The following CAMTA2 variants were observed in gnomAD, a reference collection of about 807,000 sequenced individuals.
CAMTA2 encodes the protein calmodulin binding transcription activator 2, also known as calmodulin-binding transcription activator 2.
Under a neutral mutation model 135.7 loss-of-function variants are expected in CAMTA2, and 56 were observed. The ratio of observed to expected loss-of-function variants is 0.41; its 90% CI spans 0.33 to 0.52. The LOEUF (loss-of-function observed/expected upper bound fraction) is 0.52, where lower values mean the gene tolerates loss of function less well. Ranked by LOEUF, CAMTA2 falls within the 20% of genes least tolerant of loss-of-function variation. The probability of loss-of-function intolerance (pLI) is 0.16; values close to 1 mark genes in which losing one functional copy is unlikely to be tolerated. For synonymous variants in CAMTA2, 591 were observed against 604.6 expected (o/e 0.98, Z 0.33); for missense variants, 1,358 against 1,553.4 (o/e 0.87, Z 2.11).
At chr17:4,970,678 T>G (rs1972228929) in intron 16 of CAMTA2, 142 bp from the exon 17 acceptor site, 7 of 672,878 alleles carry the variant, frequency 1.0e-5, no homozygotes, top group Non-Finnish European at 1.8e-5. Context: ...GACTCATTCA[T>G]TTATACTGAT....
Position 4,979,702 on chromosome 17 carries a change from T to G in CAMTA2, c.1620A>C (p.Pro540=). 1 of 1,613,444 alleles carries G rather than the reference T, an allele frequency of 6.2e-7. No homozygotes were observed. The highest frequency in any genetic ancestry group is 2.2e-5 in the East Asian group (1 of 44,874). The change falls in exon 9 of 23, where the codon CCA becomes CCC. Residue 540 remains proline (P), a synonymous_variant. Transcript: ENST00000348066. ...PALSTITDFS[P]EWSYPEGGVK... ...GTCTCACCTCTGGGTAGGACCACTCTGGGGAGAAGTCTGTGATGGTGCTAA... is the reference window on the plus strand; with the variant it reads ...GTCTCACCTCTGGGTAGGACCACTCGGGGGAGAAGTCTGTGATGGTGCTAA...
chr17:4,972,571 A>C, intron 15 of CAMTA2, 35 bp from the exon 16 acceptor site: 1 of 1,583,844 alleles, frequency 6.3e-7, no homozygotes, highest in South Asian at 1.1e-5. Context: ...GGGCAGCCGG[A>C]GCCACGGCCA....
intron 16 of CAMTA2, among the ~76,000 whole-genome samples, chr17:4,971,596 C>T (rs1461419242): frequency 2.0e-5 from 3 of 152,080 alleles, no homozygotes; most frequent in Admixed American, 6.6e-5. Flanking sequence ...CCTCCCACCT[C>T]GTTCTCTGAA....
chr17:4,982,736 C>T (rs374183105), intron 5 of CAMTA2, 21 bp downstream of exon 5: 3 of 1,613,474 alleles, frequency 1.9e-6, no homozygotes, highest in Non-Finnish European at 2.5e-6. Flanking sequence ...GGAAGATGAG[C>T]TGAATATCTG....
rs1381964485 is a variant in CAMTA2, at chr17:4,973,233, A to G, written c.2222T>C (p.Leu741Ser). The change falls in exon 14 of 23, where the codon TTG (leucine) becomes TCG (serine). Residue 741 changes from leucine to serine, a missense_variant. This residue lies in a region of CAMTA2 where 1,077 missense variants were observed against 1,127.5 expected (regional missense o/e 0.96). Coordinates refer to ENST00000348066, the MANE Select transcript of CAMTA2 (RefSeq NM_015099.4). ...CGGGTCAACCTCCTGCTCTAAGTCC[A>G]AGCTTCCAGTCTCCACACTCCTGGA... Reference protein sequence around the residue: ...SQWRSVETGSLDLEQEVDPLN... With the variant: ...SQWRSVETGSSDLEQEVDPLN... 4 of 1,613,786 alleles carry G rather than the reference A, an allele frequency of 2.5e-6. No homozygotes were observed. The East Asian group carries it at 6.7e-5, about 27-fold the overall frequency.
chr17:4,986,039 A>G, intron 2 of CAMTA2, 56 bp from the exon 3 acceptor site: 1 of 1,334,748 alleles, frequency 7.5e-7, no homozygotes, highest in Admixed American at 1.7e-5. Context: ...TCCCTGTGAT[A>G]GTCCAAGGGG....
chr17:4,977,568 C>G (rs1972688536), intron 10 of CAMTA2, among the ~76,000 whole-genome samples: 1 of 152,236 alleles, frequency 6.6e-6, no homozygotes, highest in Non-Finnish European at 1.5e-5. Flanking sequence ...GAAAGGGGAG[C>G]TAGCCGCTCA....
rs759803627 is a variant in CAMTA2, at chr17:4,983,029, G to A, written c.150C>T (p.Tyr50=). 3.3e-5 allele frequency: 54 copies of A among 1,614,006 alleles called. No homozygotes were observed. In the East Asian group the frequency reaches 1.2e-3, roughly 36 times the overall value. Residue 50 remains tyrosine (Y), a synonymous_variant, in exon 4 of 23, where the codon TAC becomes TAT. Coordinates refer to ENST00000348066, the MANE Select transcript of CAMTA2 (RefSeq NM_015099.4). Reference sequence around the variant, plus strand: ...CATCATGCTTCTCAAAGGTGATCAGGTAGGATGCAATCTCCTGTAGGAGAG... The same window carrying A: ...CATCATGCTTCTCAAAGGTGATCAGATAGGATGCAATCTCCTGTAGGAGAG... ...RWNTNEEIAS[Y]LITFEKHDEW... is the part of the protein sequence containing the mutation.
intron 11 of CAMTA2, among the ~76,000 whole-genome samples, chr17:4,974,992 C>T (rs867591917): frequency 5.9e-5 from 9 of 152,274 alleles, no homozygotes; most frequent in Middle Eastern, 3.4e-3. Flanking sequence ...CCCAGCCCCC[C>T]GCAGCTGTCC....
rs1313095821 is a variant in CAMTA2, at chr17:4,973,241, A to G, written c.2214T>C (p.Thr738=). ...CCTCCTGCTCTAAGTCCAAGCTTCC[A>G]GTCTCCACACTCCTGGAGGGTTTGG... ...ETLSQWRSVE[T]GSLDLEQEVD... is the part of the protein sequence containing the mutation. Residue 738 remains threonine (T), a synonymous_variant, in exon 14 of 23, where the codon ACT becomes ACC. Transcript: ENST00000348066. 1 of 1,613,778 alleles carries G rather than the reference A, an allele frequency of 6.2e-7. No individual in the cohort carries two copies. Among genetic ancestry groups the G allele is most frequent in the East Asian group, 2.2e-5 (1 of 44,880 alleles).
In CAMTA2 at chr17:4,968,794, C is replaced by G. The variant is rs147897431; in HGVS notation, c.3571G>C (p.Glu1191Gln). The part of the protein sequence containing the change: ...HRMRELKQNQ[E>Q]LEGLPQPGLA... The stretch of plus-strand genomic sequence containing the variant: ...CCCGGCTGGGGAAGCCCTTCCAGCT[C>G]CTGGTTCTGCTTCAGTTCCCTCATC... Residue 1191 changes from glutamate to glutamine, a missense_variant, in exon 23 of 23, where the codon GAG (glutamate) becomes CAG (glutamine). By Grantham distance (29) the Glu-to-Gln change is conservative. Transcript: ENST00000348066. 3.2e-4 allele frequency: 509 copies of G among 1,614,148 alleles called. 1 individual carries two copies. In the African/African-American group the frequency reaches 5.9e-3, roughly 19 times the overall value.
chr17:4,972,540 T>C lies in CAMTA2; in HGVS notation c.2504-4A>G, dbSNP rs780877553. 1 of 1,600,548 alleles carries C rather than the reference T, an allele frequency of 6.2e-7. No individual in the cohort carries two copies. The highest frequency in any genetic ancestry group is 8.5e-7 in the Non-Finnish European group (1 of 1,174,486). ...GGCGAGGAGACGCTGCTCAGACCTG[T>C]GTGGGGAGGGAAGAGAGTGAGGGCA... On this transcript the variant is annotated splice_polypyrimidine_tract_variant and splice_region_variant and intron_variant, in intron 15 of 22. Transcript: ENST00000348066.
intron 11 of CAMTA2, among the ~76,000 whole-genome samples, chr17:4,975,160 A>G (rs908953200): frequency 6.6e-6 from 1 of 152,178 alleles, no homozygotes; most frequent in Admixed American, 6.6e-5. Context: ...AAACAAGGAC[A>G]AGAAGGGGAG....
Position 4,970,466 on chromosome 17 carries a change from A to T in CAMTA2, c.2879T>A (p.Val960Glu), listed in dbSNP as rs1972215602. 1.2e-6 allele frequency: 2 copies of T among 1,614,026 alleles called. No homozygotes were observed. The highest frequency in any genetic ancestry group is 1.7e-6 in the Non-Finnish European group (2 of 1,180,034). The change falls in exon 17 of 23, where the codon GTG becomes GAG. Residue 960 changes from valine (V) to glutamate (E), a missense_variant. Val to Glu is a moderately radical substitution (Grantham distance 121). Transcript: ENST00000348066. ...TGAGGCTCCAGCCTCGGGCAGCCCC[A>T]CGAAGTCCTCTCGTTTAATCCGCTC... ...TPERIKREDFVGLPEAGASMR... is the reference protein window; with the variant it reads ...TPERIKREDFEGLPEAGASMR...
chr17:4,983,314 C>G (rs542411041), intron 3 of CAMTA2: 1 of 363,968 alleles, frequency 2.7e-6, no homozygotes, highest in East Asian at 6.1e-5. Context: ...TGGAGTTTCA[C>G]TCTTGTTGCC....
Position 4,987,615 on chromosome 17 carries a change from G to A in CAMTA2, c.-87C>T, listed in dbSNP as rs1330089731. Reference sequence around the variant, plus strand: ...TACCTCCCGGGGTCCCGCGGGTGACGGCGGCAGCGGCCATTCTACCCCACA... The same window carrying A: ...TACCTCCCGGGGTCCCGCGGGTGACAGCGGCAGCGGCCATTCTACCCCACA... On this transcript the variant is annotated 5_prime_UTR_variant, in exon 1 of 23. Transcript: ENST00000348066. The A allele has an allele frequency of 6.5e-7, 1 of 1,528,226 alleles. No individual in the cohort carries two copies. The highest frequency in any genetic ancestry group is 2.5e-5 in the East Asian group (1 of 39,844). 94.7% of individuals were successfully genotyped at this position (1,528,226 alleles called of 1,614,324 possible).
In CAMTA2 at chr17:4,980,268, G is replaced by C; in HGVS notation, c.1054C>G (p.Pro352Ala). 2 of 1,600,918 alleles carry C rather than the reference G, an allele frequency of 1.2e-6. No homozygotes were observed. Among genetic ancestry groups the C allele is most frequent in the East Asian group, 4.5e-5 (2 of 44,718 alleles). Residue 352 changes from proline (P) to alanine (A), a missense_variant, in exon 9 of 23, where the codon CCT becomes GCT. By Grantham distance (27) the Pro-to-Ala change is conservative. Around this residue, in one of 4 missense-constraint regions of CAMTA2, gnomAD observed 1,077 missense variants for 1,127.5 expected, o/e 0.96. Transcript: ENST00000348066. This position sits in a 1 kb window ranked among gnomAD's most constrained non-coding sequence, Gnocchi z 5.3. The part of the protein sequence containing the change: ...RHLAPQADPR[P>A]SMSLAVVVGT... ...ACAACCACTGCCAAACTCATGGAAG[G>C]CCTAGGATCAGCCTGTGGAGCCAAG...
chr17:4,972,899 A>G lies in CAMTA2; in HGVS notation c.2373T>C (p.Arg791=). 2.5e-6 allele frequency: 4 copies of G among 1,613,938 alleles called. No individual in the cohort carries two copies. Among genetic ancestry groups the G allele is most frequent in the Non-Finnish European group, 3.4e-6 (4 of 1,180,022 alleles). Residue 791 remains arginine (R), a synonymous_variant, in exon 15 of 23, where the codon CGT becomes CGC. Coordinates refer to ENST00000348066, the MANE Select transcript of CAMTA2 (RefSeq NM_015099.4). The part of the protein sequence containing the change: ...QALSIPDSLG[R]LPLSVAHSRG... ...GGGAATGAGCCACAGACAATGGCAG[A>G]CGGCCCAGAGAGTCGGGAATGCTCA...
chr17:4,982,905 G>T lies in CAMTA2; in HGVS notation c.204-13C>A. 1 of 1,614,160 alleles carries T rather than the reference G, an allele frequency of 6.2e-7. No individual in the cohort carries two copies. The highest frequency in any genetic ancestry group is 8.5e-7 in the Non-Finnish European group (1 of 1,180,028). On this transcript the variant is annotated splice_polypyrimidine_tract_variant and intron_variant, in intron 4 of 22. Transcript: ENST00000348066. Reference sequence around the variant, plus strand: ...GCCATTCTGAGGCCTGGGAAGGGAAGGGTTGCCCTGGAGTTCTGTGAACAG... The same window carrying T: ...GCCATTCTGAGGCCTGGGAAGGGAATGGTTGCCCTGGAGTTCTGTGAACAG...
Sources: allele counts gnomAD v4.1 joint callset (sites outside exome capture counted in the v4.1 genomes callset), GRCh38; gene constraint gnomAD v4.1.1; regional missense constraint gnomAD v4.1.1; non-coding constraint Gnocchi (gnomAD v3.1); transcripts MANE v1.5; gene names NCBI Gene and HGNC (gene_info 2026-07-23, HGNC 2026-07-21).